The following CNTNAP2 variants were observed in gnomAD, a reference collection of about 807,000 sequenced individuals.
The protein encoded by CNTNAP2 is contactin associated protein 2, also known as contactin-associated protein-like 2.
A neutral mutation model predicts 155.2 loss-of-function variants in CNTNAP2; 98 were observed. The observed-to-expected ratio is 0.63, with a 90% CI of 0.54 to 0.75. CNTNAP2 has a LOEUF of 0.75. Among genes scored for constraint, CNTNAP2 ranks in the 30% least tolerant of loss-of-function variants. CNTNAP2 has a pLI of 0.00. For synonymous variants in CNTNAP2, 651 were observed against 631.2 expected (o/e 1.03, Z -0.47); for missense variants, 1,727 against 1,688.1 (o/e 1.02, Z -0.40).
At chr7:146,642,833 T>C (rs908200108) in intron 1 of CNTNAP2, among the ~76,000 whole-genome samples, 4 of 151,838 alleles carry the variant, frequency 2.6e-5, no homozygotes, top group African/African-American at 9.7e-5. Context: ...GTTTCCTGAC[T>C]TTTTAATGAT....
intron 1 of CNTNAP2, among the ~76,000 whole-genome samples, chr7:146,399,441 G>A (rs866402131): frequency 6.6e-5 from 10 of 151,996 alleles, no homozygotes; most frequent in Admixed American, 1.3e-4. Flanking sequence ...TTTCTGTGCC[G>A]GACTTATTTC....
intron 13 of CNTNAP2, among the ~76,000 whole-genome samples, chr7:147,738,855 A>G (rs1796904500): frequency 6.6e-6 from 1 of 152,020 alleles, no homozygotes; most frequent in Non-Finnish European, 1.5e-5. Context: ...GGGTTTCGCC[A>G]TGATGGCCAG....
intron 4 of CNTNAP2, among the ~76,000 whole-genome samples, chr7:147,072,518 G>A (rs1799913232): frequency 6.6e-6 from 1 of 152,160 alleles, no homozygotes; most frequent in South Asian, 2.1e-4. Context: ...ACCTGTCACA[G>A]GATATGACTG....
At chr7:146,284,095 T>C (rs1186741902) in intron 1 of CNTNAP2, among the ~76,000 whole-genome samples, 2 of 152,224 alleles carry the variant, frequency 1.3e-5, no homozygotes, top group East Asian at 1.9e-4. Context: ...TCATCCACTA[T>C]TGTTATTAAA....
chr7:147,460,414 C>T (rs570972388), intron 10 of CNTNAP2, among the ~76,000 whole-genome samples: 11 of 152,222 alleles, frequency 7.2e-5, no homozygotes, highest in African/African-American at 2.6e-4. Context: ...CTACCTCGCC[C>T]CCCTACCTCC....
chr7:147,066,378 G>A (rs1916945), intron 4 of CNTNAP2, among the ~76,000 whole-genome samples: 11,536 of 152,196 alleles, frequency 0.076, 1,137 homozygotes, highest in African/African-American at 0.23. Context: ...CACAGCAGAC[G>A]GTGGCTTCTC....
intron 3 of CNTNAP2, among the ~76,000 whole-genome samples, chr7:146,898,451 A>G (rs1795922780): frequency 1.3e-5 from 2 of 151,992 alleles, no homozygotes; most frequent in African/African-American, 4.8e-5. Context: ...TGAGAGTTTC[A>G]ACCACTTTAT....
chr7:147,729,447 C>CAA (rs1223432356), intron 13 of CNTNAP2, among the ~76,000 whole-genome samples: 3 of 146,282 alleles, frequency 2.1e-5, no homozygotes, highest in African/African-American at 7.8e-5. Flanking sequence ...CACACACACA[C>CAA]AGAGTTGTGA....
chr7:147,942,010 C>G (rs1424411239), intron 14 of CNTNAP2, among the ~76,000 whole-genome samples: 1 of 152,214 alleles, frequency 6.6e-6, no homozygotes, highest in Non-Finnish European at 1.5e-5. Context: ...GTTAGTACCT[C>G]ATTATGACTT....
chr7:148,301,306 A>ATATATATATATATATATATATATATAT (rs1554414674), intron 21 of CNTNAP2, among the ~76,000 whole-genome samples: 9 of 103,860 alleles, frequency 8.7e-5, no homozygotes, highest in Non-Finnish European at 5.8e-5. Context: ...AAAAAAAAAA[A>ATATATATATATATATATATATATATAT]ATATATATAT....
At chr7:147,602,800 C>T (rs1414322555) in intron 12 of CNTNAP2, among the ~76,000 whole-genome samples, 5 of 151,864 alleles carry the variant, frequency 3.3e-5, no homozygotes, top group Non-Finnish European at 5.9e-5. Flanking sequence ...TCATCCATGC[C>T]CCTACAAAGG....
intron 1 of CNTNAP2, among the ~76,000 whole-genome samples, chr7:146,345,223 T>G (rs1429459184): frequency 2.6e-5 from 4 of 152,210 alleles, no homozygotes; most frequent in Non-Finnish European, 4.4e-5. Context: ...TACTCATTTT[T>G]TATGTGTATG....
chr7:148,255,695 G>A (rs988591836), intron 20 of CNTNAP2, among the ~76,000 whole-genome samples: 11 of 152,120 alleles, frequency 7.2e-5, no homozygotes, highest in African/African-American at 2.4e-4. Context: ...TAATAACAAT[G>A]GCATAATGAC....
intron 13 of CNTNAP2, among the ~76,000 whole-genome samples, chr7:147,778,692 T>C (rs1016044205): frequency 3.9e-5 from 6 of 152,218 alleles, no homozygotes; most frequent in Admixed American, 1.3e-4. Context: ...ACTGTATTTT[T>C]GGTAGAGACG....
At chr7:148,372,791 AACTTTTTC>A (rs1430266607) in intron 21 of CNTNAP2, among the ~76,000 whole-genome samples, 1 of 152,202 alleles carries the variant, frequency 6.6e-6, no homozygotes, top group African/African-American at 2.4e-5. Context: ...AATGTTTTCA[AACTTTTTC>A]ACTTTTTCAT....
At chr7:147,795,977 A>C (rs1797886966) in intron 13 of CNTNAP2, among the ~76,000 whole-genome samples, 1 of 151,298 alleles carries the variant, frequency 6.6e-6, no homozygotes. Flanking sequence ...CTGATTTTGA[A>C]GCATAGGATT....
chr7:146,540,037 G>A (rs551194852), intron 1 of CNTNAP2, among the ~76,000 whole-genome samples: 43 of 152,170 alleles, frequency 2.8e-4, no homozygotes, highest in South Asian at 4.1e-4. Context: ...TTTTTAAGGC[G>A]TCTTGCAAGA....
chr7:148,184,222 A>G (rs544085005), intron 18 of CNTNAP2, among the ~76,000 whole-genome samples: 1 of 152,150 alleles, frequency 6.6e-6, no homozygotes, highest in South Asian at 2.1e-4. Flanking sequence ...CTTGAGCCCA[A>G]GAGTTTGAGA....
At chr7:147,337,198 G>A (rs1409409773) in intron 9 of CNTNAP2, among the ~76,000 whole-genome samples, 1 of 152,012 alleles carries the variant, frequency 6.6e-6, no homozygotes, top group Non-Finnish European at 1.5e-5. Context: ...AAAAGACAAG[G>A]GAAGGTTAGG....
Sources: gnomAD v4.1 joint callset for allele counts (sites outside exome capture counted in the v4.1 genomes callset) on GRCh38, gnomAD v4.1.1 for gene constraint, MANE v1.5 for transcripts, NCBI Gene and HGNC (gene_info 2026-07-23, HGNC 2026-07-21) for gene names.